The following TRPC4 variants were observed in gnomAD, a reference collection of about 807,000 sequenced individuals.
TRPC4 encodes the protein short transient receptor potential channel 4.
Under a neutral mutation model 99.4 loss-of-function variants are expected in TRPC4, and 49 were observed. That is an observed-to-expected ratio of 0.49 (90% confidence interval 0.39 to 0.63). The LOEUF (loss-of-function observed/expected upper bound fraction) is 0.63. Among genes scored for constraint, TRPC4 ranks in the 20% least tolerant of loss-of-function variants. TRPC4 has a pLI of 0.00. For synonymous variants in TRPC4, 454 were observed against 425.9 expected, an observed-to-expected ratio of 1.07 and a Z score of -0.81; for missense variants, 898 against 1,152.9, an observed-to-expected ratio of 0.78 and a Z score of 3.20.
chr13:37,710,086 G>A (rs1356435642), intron 3 of TRPC4, among the ~76,000 whole-genome samples: 1 of 151,934 alleles, frequency 6.6e-6, no homozygotes, highest in African/African-American at 2.4e-5. Context: ...GGCTTAAATA[G>A]TCTATCTGAA....
At chr13:37,808,639 G>A (rs1957592547) in intron 1 of TRPC4, among the ~76,000 whole-genome samples, 1 of 152,008 alleles carries the variant, frequency 6.6e-6, no homozygotes, top group Non-Finnish European at 1.5e-5. Flanking sequence ...ACTAGTTGAT[G>A]CAGGAATATA....
intron 5 of TRPC4, among the ~76,000 whole-genome samples, chr13:37,666,163 C>T (rs1038364270): frequency 2.0e-5 from 3 of 152,300 alleles, no homozygotes; most frequent in East Asian, 1.9e-4. Flanking sequence ...TTTGTCTCCC[C>T]AGAGACAATT....
At chr13:37,701,579 C>T (rs1954101952) in intron 3 of TRPC4, among the ~76,000 whole-genome samples, 1 of 152,002 alleles carries the variant, frequency 6.6e-6, no homozygotes, top group Admixed American at 6.6e-5. Context: ...TCTCTGTGGC[C>T]CTTCATGCTA....
Position 37,637,072 on chromosome 13 carries a change from T to C in TRPC4, c.2765A>G (p.Gln922Arg), listed in dbSNP as rs369573111. 5.4e-5 allele frequency: 87 copies of C among 1,613,686 alleles called. No individual in the cohort carries two copies. Among genetic ancestry groups the C allele is most frequent in the Non-Finnish European group, 7.1e-5 (84 of 1,179,800 alleles). ...RERNTDTLGL[Q>R]VGKRVCPFKS... is the part of the protein sequence containing the mutation. ...GAATGGACACACTCTCTTTCCTACC[T>C]GTAACCCCAGTGTGTCCGTATTCCT... The change falls in exon 11 of 11, where the codon CAG (glutamine) becomes CGG (arginine). Residue 922 changes from glutamine (Q) to arginine (R), a missense_variant. By Grantham distance (43) the Gln-to-Arg change is conservative. Coordinates refer to ENST00000379705, the MANE Select transcript of TRPC4 (RefSeq NM_016179.4).
intron 1 of TRPC4, among the ~76,000 whole-genome samples, chr13:37,832,320 T>C (rs1958445668): frequency 6.6e-6 from 1 of 152,156 alleles, no homozygotes; most frequent in South Asian, 2.1e-4. Flanking sequence ...GGCGGGCAGA[T>C]CATTTGAGGT....
At chr13:37,788,147 C>T (rs1290891727) in intron 1 of TRPC4, among the ~76,000 whole-genome samples, 1 of 152,020 alleles carries the variant, frequency 6.6e-6, no homozygotes, top group East Asian at 1.9e-4. Flanking sequence ...AAAAGATGTT[C>T]TTTCCTCATT....
chr13:37,776,506 C>G (rs1463694010), intron 2 of TRPC4, among the ~76,000 whole-genome samples: 1 of 151,774 alleles, frequency 6.6e-6, no homozygotes, highest in Non-Finnish European at 1.5e-5. Context: ...TATGGTTACA[C>G]ATATATTGAG....
At chr13:37,689,056 T>G (rs1420891828) in intron 4 of TRPC4, among the ~76,000 whole-genome samples, 1 of 152,150 alleles carries the variant, frequency 6.6e-6, no homozygotes, top group East Asian at 1.9e-4. Flanking sequence ...ATTAACGCAT[T>G]CCTACTCTGA....
intron 1 of TRPC4, among the ~76,000 whole-genome samples, chr13:37,796,963 ATAAAATAAAGTAAAG>A (rs1957266856): frequency 8.8e-6 from 1 of 113,838 alleles, no homozygotes; most frequent in African/African-American, 4.2e-5. Flanking sequence ...ATAAAATAAA[ATAAAATAAAGTAAAG>A]TAAAGTAAAG....
At chr13:37,852,989 C>T (rs1298732201) in intron 1 of TRPC4, among the ~76,000 whole-genome samples, 1 of 152,164 alleles carries the variant, frequency 6.6e-6, no homozygotes, top group Non-Finnish European at 1.5e-5. Context: ...TGACTCTAAT[C>T]CCTGACTTTC....
intron 3 of TRPC4, among the ~76,000 whole-genome samples, chr13:37,705,110 TA>T (rs952176528): frequency 1.3e-5 from 2 of 152,176 alleles, no homozygotes; most frequent in African/African-American, 4.8e-5. Flanking sequence ...AGAATATTAT[TA>T]AGCTTTATGA....
At chr13:37,696,248 CCCA>C (rs1015395877) in intron 3 of TRPC4, among the ~76,000 whole-genome samples, 10 of 152,116 alleles carry the variant, frequency 6.6e-5, no homozygotes, top group Non-Finnish European at 1.3e-4. Flanking sequence ...TCAATTATCT[CCCA>C]CCGGGTCTCT....
intron 2 of TRPC4, among the ~76,000 whole-genome samples, chr13:37,772,778 CA>C (rs1456001906): frequency 1.3e-5 from 2 of 151,762 alleles, no homozygotes; most frequent in Non-Finnish European, 2.9e-5. Context: ...TCTATTTCTG[CA>C]GAGTCTCAGC....
In TRPC4 at chr13:37,637,477, C is replaced by T. The variant is rs767663885; in HGVS notation, c.2360G>A (p.Ser787Asn). Residue 787 changes from serine to asparagine, a missense_variant, in exon 11 of 11, where the codon AGC becomes AAC. Physicochemically the swap from Ser to Asn is conservative, Grantham distance 46. This residue lies in a region of TRPC4 where 346 missense variants were observed against 351.4 expected (regional missense o/e 0.98). Transcript: ENST00000379705. ...SDEKSDSEGN[S>N]KDKKKNFSLF... Reference sequence around the variant, plus strand: ...GCTGAAATTCTTTTTCTTGTCCTTGCTATTACCTTCGCTATCACTCTTTTC... The same window carrying T: ...GCTGAAATTCTTTTTCTTGTCCTTGTTATTACCTTCGCTATCACTCTTTTC... 1 of 1,613,776 alleles carries T rather than the reference C, an allele frequency of 6.2e-7. No individual in the cohort carries two copies. Among genetic ancestry groups the T allele is most frequent in the African/African-American group, 1.3e-5 (1 of 75,026 alleles).
intron 5 of TRPC4, among the ~76,000 whole-genome samples, chr13:37,666,246 C>T (rs1222665195): frequency 2.6e-5 from 4 of 152,106 alleles, no homozygotes; most frequent in African/African-American, 9.7e-5. Context: ...CTCAGCTGCA[C>T]GGTATGAGTT....
chr13:37,835,173 T>A (rs1344066166), intron 1 of TRPC4, among the ~76,000 whole-genome samples: 1 of 152,102 alleles, frequency 6.6e-6, no homozygotes, highest in Non-Finnish European at 1.5e-5. Flanking sequence ...CCTTTCAAAG[T>A]TGGTAGTCAG....
chr13:37,773,641 CTT>C (rs1178884579), intron 2 of TRPC4, among the ~76,000 whole-genome samples: 1 of 151,672 alleles, frequency 6.6e-6, no homozygotes, highest in East Asian at 2.0e-4. Context: ...GTCCACCTCT[CTT>C]TTTAAAATGA....
At chr13:37,641,731 G>C (rs1475094247) in intron 8 of TRPC4, among the ~76,000 whole-genome samples, 1 of 152,110 alleles carries the variant, frequency 6.6e-6, no homozygotes, top group African/African-American at 2.4e-5. Flanking sequence ...TGGGTTTGAA[G>C]CTGACTGTGC....
At chr13:37,649,539 C>T (rs1448851404) in intron 8 of TRPC4, among the ~76,000 whole-genome samples, 1 of 151,720 alleles carries the variant, frequency 6.6e-6, no homozygotes, top group Non-Finnish European at 1.5e-5. Flanking sequence ...TCGAGACCAA[C>T]CTGGCTAACA....
Sources: allele counts gnomAD v4.1 joint callset (sites outside exome capture counted in the v4.1 genomes callset), GRCh38; gene constraint gnomAD v4.1.1; regional missense constraint gnomAD v4.1.1; transcripts MANE v1.5; gene names NCBI Gene and HGNC (gene_info 2026-07-23, HGNC 2026-07-21).